Variants in TAF2 observed in about 807,000 individuals in gnomAD.
TAF2 encodes TATA-box binding protein associated factor 2.
In TAF2, 61 loss-of-function variants were observed where a neutral mutation model predicts 138.5. The ratio of observed to expected loss-of-function variants is 0.44; its 90% CI spans 0.36 to 0.54. The LOEUF is 0.54. TAF2 is among the 20% of genes least tolerant of loss of function. TAF2 has a pLI of 0.00. For missense variants in TAF2, 1,090 were observed against 1,427.9 expected (o/e 0.76, Z 3.81); for synonymous variants, 475 against 469.9 (o/e 1.01, Z -0.14).
chr8:119,749,715 A>G (rs1190990654), intron 22 of TAF2, among the ~76,000 whole-genome samples: 1 of 152,150 alleles, frequency 6.6e-6, no homozygotes, highest in African/African-American at 2.4e-5. Context: ...TTCCAAGTCA[A>G]TCAATCCCAT....
At chr8:119,802,287 T>C (rs574360575) in intron 5 of TAF2, among the ~76,000 whole-genome samples, 12 of 152,334 alleles carry the variant, frequency 7.9e-5, no homozygotes, top group African/African-American at 2.2e-4. Flanking sequence ...AATTCTTAGC[T>C]TTCAGTGTTT....
At chr8:119,774,042 G>T (rs1386914167) in intron 18 of TAF2, among the ~76,000 whole-genome samples, 1 of 150,736 alleles carries the variant, frequency 6.6e-6, no homozygotes, top group South Asian at 2.1e-4. Flanking sequence ...GTGGTGGCGG[G>T]TGCCTGTAAT....
At chr8:119,808,702 G>A (rs185924409) in intron 3 of TAF2, among the ~76,000 whole-genome samples, 1 of 152,244 alleles carries the variant, frequency 6.6e-6, no homozygotes, top group Admixed American at 6.5e-5. Flanking sequence ...TGTTATGTTA[G>A]CACACATAAA....
Position 119,795,513 on chromosome 8 carries a change from G to C in TAF2, c.1191+19C>G. The C allele has an allele frequency of 6.3e-7, 1 of 1,588,012 alleles. No homozygotes were observed. The highest frequency in any genetic ancestry group is 1.1e-5 in the South Asian group (1 of 90,558). ...GGACATAAGACTTGTAAGTGGATAA[G>C]GGATCTAGCTGTTATTACCTCTTTA... On this transcript the variant is annotated intron_variant, in intron 9 of 25. Transcript: ENST00000378164.
intron 23 of TAF2, chr8:119,744,663 G>A (rs1244214005): frequency 1.9e-5 from 9 of 470,998 alleles, no homozygotes; most frequent in South Asian, 1.7e-4. Context: ...GAGTTGTGGT[G>A]GAACGTGCAC....
Position 119,781,940 on chromosome 8 carries a change from G to A in TAF2, c.2113-747C>T, listed in dbSNP as rs147961254. Among the ~76,000 whole-genome samples the A allele has an allele frequency of 5.4e-3, 815 of 152,086 alleles. 10 individuals carry two copies. Among genetic ancestry groups the A allele is most frequent in the African/African-American group, 0.019 (774 of 41,496 alleles). The stretch of plus-strand genomic sequence containing the variant: ...TGACCTCAAGTGATCCGCCTGCCTC[G>A]GACTCCCAAAGTGTTAGGATTACAG... On this transcript the variant is annotated intron_variant, in intron 16 of 25. Transcript: ENST00000378164.
chr8:119,779,003 A>G (rs150314533), intron 17 of TAF2, among the ~76,000 whole-genome samples: 1 of 152,302 alleles, frequency 6.6e-6, no homozygotes, highest in African/African-American at 2.4e-5. Flanking sequence ...AGCAGAGATA[A>G]CAAGAGCAAC....
intron 23 of TAF2, among the ~76,000 whole-genome samples, chr8:119,746,257 C>T (rs1819957248): frequency 6.6e-6 from 1 of 150,768 alleles, no homozygotes; most frequent in African/African-American, 2.4e-5. Context: ...CCTGTAATCC[C>T]AGCTACTCAG....
intron 18 of TAF2, among the ~76,000 whole-genome samples, chr8:119,765,685 A>G (rs1821373578): frequency 6.6e-6 from 1 of 152,172 alleles, no homozygotes; most frequent in Non-Finnish European, 1.5e-5. Context: ...AATTCAGGTG[A>G]GCTCCATCAC....
At chr8:119,741,949 C>T (rs1277175984) in intron 25 of TAF2, among the ~76,000 whole-genome samples, 1 of 152,064 alleles carries the variant, frequency 6.6e-6, no homozygotes, top group Admixed American at 6.6e-5. Context: ...ACAGAATAAG[C>T]AGAAAACAAT....
At chr8:119,781,563 C>T in intron 16 of TAF2, among the ~76,000 whole-genome samples, 1 of 151,838 alleles carries the variant, frequency 6.6e-6, no homozygotes, top group Non-Finnish European at 1.5e-5. Flanking sequence ...GCCTGTAATC[C>T]CAGCTACTTG....
intron 2 of TAF2, among the ~76,000 whole-genome samples, chr8:119,820,183 T>A (rs899223746): frequency 2.6e-5 from 4 of 152,182 alleles, no homozygotes; most frequent in African/African-American, 9.7e-5. Flanking sequence ...CCTCTTGTAT[T>A]GAATCAATGG....
chr8:119,783,328 GAT>G, intron 16 of TAF2, 51 bp downstream of exon 16: 1 of 1,574,342 alleles, frequency 6.4e-7, no homozygotes, highest in Non-Finnish European at 8.6e-7. Context: ...CATTTTCAGA[GAT>G]ACAAAAAATA....
In TAF2 at chr8:119,797,119, G is replaced by A; in HGVS notation, c.978-16C>T. ...AAGATTTGTGCTGGAATTTAAAAGA[G>A]AAGAAAGCTCATTATAACCAAGAAA... On this transcript the variant is annotated splice_polypyrimidine_tract_variant and intron_variant, in intron 7 of 25. Transcript: ENST00000378164. 1 of 1,535,260 alleles carries A rather than the reference G, an allele frequency of 6.5e-7. No homozygotes were observed. Among genetic ancestry groups the A allele is most frequent in the Non-Finnish European group, 9.0e-7 (1 of 1,109,014 alleles).
intron 23 of TAF2, chr8:119,744,750 A>G: frequency 2.7e-6 from 1 of 375,538 alleles, no homozygotes. Flanking sequence ...TCTCAGAAGG[A>G]CCTTTGAGTT....
chr8:119,821,110 T>C, intron 2 of TAF2, among the ~76,000 whole-genome samples: 1 of 152,224 alleles, frequency 6.6e-6, no homozygotes, highest in East Asian at 1.9e-4. Flanking sequence ...AATAGAATGA[T>C]GAAATGTATT....
intron 6 of TAF2, among the ~76,000 whole-genome samples, chr8:119,800,225 A>G (rs1824159339): frequency 6.6e-6 from 1 of 152,186 alleles, no homozygotes; most frequent in Admixed American, 6.5e-5. Flanking sequence ...GCCCATGCCT[A>G]TGTCCCGAAT....
At chr8:119,814,444 A>T (rs1379286892) in intron 3 of TAF2, among the ~76,000 whole-genome samples, 1 of 148,528 alleles carries the variant, frequency 6.7e-6, no homozygotes. Flanking sequence ...ACAAAATCTT[A>T]AAAAAAAAAC....
intron 20 of TAF2, among the ~76,000 whole-genome samples, chr8:119,758,947 A>C (rs538641646): frequency 2.2e-4 from 33 of 152,256 alleles, no homozygotes; most frequent in African/African-American, 6.3e-4. Flanking sequence ...ACATCTATTA[A>C]AGTTTAGCAT....
Sources: gnomAD v4.1 joint callset for allele counts (sites outside exome capture counted in the v4.1 genomes callset) on GRCh38, gnomAD v4.1.1 for gene constraint, MANE v1.5 for transcripts, NCBI Gene and HGNC (gene_info 2026-07-23, HGNC 2026-07-21) for gene names.